The following MMP14 variants were observed in gnomAD, a reference collection of about 807,000 sequenced individuals.
MMP14 encodes matrix metalloproteinase-14.
A neutral mutation model predicts 64.8 loss-of-function variants in MMP14; 13 were observed. The ratio of observed to expected loss-of-function variants is 0.20; its 90% confidence interval spans 0.13 to 0.32. The LOEUF (loss-of-function observed/expected upper bound fraction) is 0.32, where lower values mean the gene tolerates loss of function less well. Ranked by LOEUF, MMP14 falls within the 10% of genes least tolerant of loss-of-function variation. The pLI, the probability that MMP14 is intolerant of heterozygous loss-of-function variation, is 1.00. For synonymous variants in MMP14, 322 were observed against 315.9 expected (o/e 1.02, Z -0.20); for missense variants, 594 against 783.8 (o/e 0.76, Z 2.89).
At chr14:22,844,336 C>T (rs2138743491) in intron 6 of MMP14, 35 bp from the exon 7 acceptor site, 2 of 1,612,720 alleles carry the variant, frequency 1.2e-6, no homozygotes, top group Middle Eastern at 1.7e-4. Flanking sequence ...GGCCGCAAGA[C>T]ATAATGGACT....
intron 1 of MMP14, chr14:22,837,584 C>G: frequency 2.8e-6 from 1 of 352,064 alleles, no homozygotes. Context: ...CAAAGCTCTC[C>G]TTGTGAGCCG....
chr14:22,846,083 T>A lies in MMP14; in HGVS notation c.*44T>A. On this transcript the variant is annotated 3_prime_UTR_variant, in exon 10 of 10. Transcript: ENST00000311852. Reference sequence around the variant, plus strand: ...CCACTCCTACCACAAGGACTTTGCCTCTGAAGGCCAGTGGCAGCAGGTGGT... The same window carrying A: ...CCACTCCTACCACAAGGACTTTGCCACTGAAGGCCAGTGGCAGCAGGTGGT... The A allele has an allele frequency of 7.0e-7, 1 of 1,436,118 alleles. No individual in the cohort carries two copies. The highest frequency in any genetic ancestry group is 9.2e-7 in the Non-Finnish European group (1 of 1,092,500). The allele number at this position is 1,436,118 out of a possible 1,614,324, so 89.0% of individuals were successfully genotyped here.
At position 22,844,325 on chromosome 14, in the gene MMP14, A is replaced by G. The variant is rs570675817; in HGVS notation, c.1012-46A>G. ...GCTTTGGGGACTGAACCAGAGACCT[A>G]GGCCGCAAGACATAATGGACTTTTC... On this transcript the variant is annotated intron_variant, in intron 6 of 9. Coordinates refer to ENST00000311852, the MANE Select transcript of MMP14 (RefSeq NM_004995.4). 2.5e-6 allele frequency: 4 copies of G among 1,608,580 alleles called. No individual in the cohort carries two copies. In the East Asian group the frequency reaches 6.7e-5, roughly 27 times the overall value.
Position 22,842,748 on chromosome 14 carries a change from G to GAAAA in MMP14, c.688+33_688+36dup. On this transcript the variant is annotated intron_variant, in intron 4 of 9. Coordinates refer to ENST00000311852, the MANE Select transcript of MMP14 (RefSeq NM_004995.4). The surrounding 1 kb of genome is among the most constrained non-coding windows in gnomAD (Gnocchi z 5.3). Reference sequence around the variant, plus strand: ...CCAAGTATCCCTGGGACTTACTCTGGAAAAAGCCAACAGTCATTTGTAGGG... The same window carrying GAAAA: ...CCAAGTATCCCTGGGACTTACTCTGGAAAAAAAAAGCCAACAGTCATTTGTAGGG... 6.4e-7 allele frequency: 1 copy of GAAAA among 1,557,756 alleles called. No individual in the cohort carries two copies. Among genetic ancestry groups the GAAAA allele is most frequent in the African/African-American group, 1.4e-5 (1 of 73,508 alleles).
chr14:22,845,065 G>A (rs2039802240), intron 8 of MMP14, among the ~76,000 whole-genome samples, 186 bp from the exon 9 acceptor site: 1 of 152,132 alleles, frequency 6.6e-6, no homozygotes, highest in Non-Finnish European at 1.5e-5. Context: ...GTGGCTCCTT[G>A]CAGCCTGGGC....
In MMP14 at chr14:22,845,989, A is replaced by T. The variant is rs1247653326; in HGVS notation, c.1699A>T (p.Thr567Ser). The T allele has an allele frequency of 6.5e-7, 1 of 1,546,056 alleles. No homozygotes were observed. Among genetic ancestry groups the T allele is most frequent in the Non-Finnish European group, 8.7e-7 (1 of 1,143,678 alleles). Residue 567 changes from threonine (T) to serine (S), a missense_variant, in exon 10 of 10, where the codon ACC (threonine) becomes TCC (serine). Coordinates refer to ENST00000311852, the MANE Select transcript of MMP14 (RefSeq NM_004995.4). ...AGTCTTCTTCTTCAGACGCCATGGG[A>T]CCCCCAGGCGACTGCTCTACTGCCA... ...LAVFFFRRHG[T>S]PRRLLYCQRS...
At position 22,836,597 on chromosome 14, in the gene MMP14, G is replaced by A. The variant is rs1165529418; in HGVS notation, c.-221G>A. 6.5e-6 allele frequency: 3 copies of A among 459,408 alleles called. No homozygotes were observed. The highest frequency in any genetic ancestry group is 7.8e-5 in the Admixed American group (2 of 25,532). The allele number at this position is 459,408 out of a possible 1,614,324, so 28.5% of individuals were successfully genotyped here. ...GAGAGAGGGAACCAGACCCCAGTTC[G>A]CCGACTAAGCAGAAGAAAGATCAAA... On this transcript the variant is annotated 5_prime_UTR_variant, in exon 1 of 10. Coordinates refer to ENST00000311852, the MANE Select transcript of MMP14 (RefSeq NM_004995.4).
chr14:22,841,810 C>T, intron 2 of MMP14, 103 bp from the exon 3 acceptor site: 1 of 1,554,270 alleles, frequency 6.4e-7, no homozygotes, highest in Non-Finnish European at 8.7e-7. Context: ...CTTGGCCTTT[C>T]CCCACATTGA....
rs144839050 is a variant in MMP14, at chr14:22,845,360, G to A, written c.1411G>A (p.Asp471Asn). 14 of 1,604,114 alleles carry A rather than the reference G, an allele frequency of 8.7e-6. No homozygotes were observed. Among genetic ancestry groups the A allele is most frequent in the Admixed American group, 6.8e-5 (4 of 59,154 alleles). The stretch of plus-strand genomic sequence containing the variant: ...TCCCAGAGGGTCATTCATGGGCAGC[G>A]ATGAAGGTGAGAGGGGCAAGGGAAG... ...ESPRGSFMGS[D>N]EVFTYFYKGN... The change falls in exon 9 of 10, where the codon GAT (aspartate) becomes AAT (asparagine). Residue 471 changes from aspartate to asparagine, a missense_variant. This residue lies in a region of MMP14 where 364 missense variants were observed against 425.2 expected (regional missense o/e 0.86). Coordinates refer to ENST00000311852, the MANE Select transcript of MMP14 (RefSeq NM_004995.4).
Position 22,843,837 on chromosome 14 carries a change from G to A in MMP14, c.978G>A (p.Val326=). Residue 326 remains valine, a synonymous_variant, in exon 6 of 10, where the codon GTG becomes GTA. Coordinates refer to ENST00000311852, the MANE Select transcript of MMP14 (RefSeq NM_004995.4). This position sits in a 1 kb window ranked among gnomAD's most constrained non-coding sequence, Gnocchi z 4.8. ...PNICDGNFDT[V]AMLRGEMFVF... The stretch of plus-strand genomic sequence containing the variant: ...TCTGTGACGGGAACTTTGACACCGT[G>A]GCCATGCTCCGAGGGGAGATGTTTG... 1 of 1,612,732 alleles carries A rather than the reference G, an allele frequency of 6.2e-7. No homozygotes were observed. Among genetic ancestry groups the A allele is most frequent in the Non-Finnish European group, 8.5e-7 (1 of 1,179,710 alleles).
intron 9 of MMP14, 103 bp downstream of exon 9, chr14:22,845,469 C>A: frequency 4.4e-6 from 4 of 899,812 alleles, no homozygotes; most frequent in Non-Finnish European, 3.4e-6. Flanking sequence ...AAAACAACGG[C>A]GATGATAATA....
At position 22,842,534 on chromosome 14, in the gene MMP14, G is replaced by A. The variant is rs1276557075; in HGVS notation, c.505G>A (p.Glu169Lys). 1.1e-5 allele frequency: 18 copies of A among 1,614,020 alleles called. No homozygotes were observed. Among genetic ancestry groups the A allele is most frequent in the Non-Finnish European group, 1.5e-5 (18 of 1,180,012 alleles). The stretch of plus-strand genomic sequence containing the variant: ...CGAGGTGCCCTATGCCTACATCCGT[G>A]AGGGCCATGAGAAGCAGGCCGACAT... ...FREVPYAYIR[E>K]GHEKQADIMI... Residue 169 changes from glutamate (E) to lysine (K), a missense_variant, in exon 4 of 10, where the codon GAG (glutamate) becomes AAG (lysine). Physicochemically the swap from Glu to Lys is moderately conservative, Grantham distance 56. Coordinates refer to ENST00000311852, the MANE Select transcript of MMP14 (RefSeq NM_004995.4). This position sits in a 1 kb window ranked among gnomAD's most constrained non-coding sequence, Gnocchi z 5.3.
chr14:22,844,306 G>C, intron 6 of MMP14, 65 bp from the exon 7 acceptor site: 1 of 1,595,304 alleles, frequency 6.3e-7, no homozygotes, highest in Non-Finnish European at 8.6e-7. Flanking sequence ...GGGAGCTTTG[G>C]GGACTGAACC....
Position 22,843,704 on chromosome 14 carries a change from C to T in MMP14, c.851-6C>T, listed in dbSNP as rs377019283. Reference sequence around the variant, plus strand: ...TCTGAAATGCCCCTCGTGTTTTCTGCCCCAGGGGGTGAGTCAGGGTTCCCC... The same window carrying T: ...TCTGAAATGCCCCTCGTGTTTTCTGTCCCAGGGGGTGAGTCAGGGTTCCCC... On this transcript the variant is annotated splice_region_variant and splice_polypyrimidine_tract_variant and intron_variant, in intron 5 of 9. Coordinates refer to ENST00000311852, the MANE Select transcript of MMP14 (RefSeq NM_004995.4). This position sits in a 1 kb window ranked among gnomAD's most constrained non-coding sequence, Gnocchi z 4.8. The T allele has an allele frequency of 6.9e-6, 11 of 1,587,914 alleles. No homozygotes were observed. The African/African-American group carries it at 1.4e-4, about 20-fold the overall frequency.
At chr14:22,839,411 G>C (rs1229729935) in intron 1 of MMP14, among the ~76,000 whole-genome samples, 1 of 152,236 alleles carries the variant, frequency 6.6e-6, no homozygotes, top group Non-Finnish European at 1.5e-5. Context: ...GAGCAGCCCC[G>C]GACTGGTGTG....
At chr14:22,845,111 A>T (rs752615302) in intron 8 of MMP14, 140 bp from the exon 9 acceptor site, 3 of 655,948 alleles carry the variant, frequency 4.6e-6, no homozygotes, top group Non-Finnish European at 2.6e-6. Flanking sequence ...CGCTTTCAGC[A>T]GCAGGTCCTC....
rs1172082260 is a variant in MMP14, at chr14:22,841,995, A to T, written c.340A>T (p.Ile114Phe). ...KANVRRKRYA[I>F]QGLKWQHNEI... The stretch of plus-strand genomic sequence containing the variant: ...CAATGTTCGAAGGAAGCGCTACGCC[A>T]TCCAGGGTCTCAAATGGCAACATAA... The change falls in exon 3 of 10, where the codon ATC (isoleucine) becomes TTC (phenylalanine). Residue 114 changes from isoleucine to phenylalanine, a missense_variant. By Grantham distance (21) the Ile-to-Phe change is conservative. Transcript: ENST00000311852. 2 of 1,614,136 alleles carry T rather than the reference A, an allele frequency of 1.2e-6. No homozygotes were observed. Among genetic ancestry groups the T allele is most frequent in the Non-Finnish European group, 1.7e-6 (2 of 1,180,062 alleles).
At chr14:22,836,991 G>C in intron 1 of MMP14, 66 bp downstream of exon 1, 1 of 1,260,976 alleles carries the variant, frequency 7.9e-7, no homozygotes, top group Non-Finnish European at 1.1e-6. Flanking sequence ...GGGTCTCCTA[G>C]GGGACAGCCT....
chr14:22,845,924 C>T lies in MMP14; in HGVS notation c.1634C>T (p.Pro545Leu), dbSNP rs772133357. The change falls in exon 10 of 10, where the codon CCC (proline) becomes CTC (leucine). Residue 545 changes from proline to leucine, a missense_variant. Pro to Leu is a moderately conservative substitution (Grantham distance 98). This residue lies in a region of MMP14 where 364 missense variants were observed against 425.2 expected (regional missense o/e 0.86). Transcript: ENST00000311852. ...GTGAGCGCGGCTGCCGTGGTGCTGCCCGTGCTGCTGCTGCTCCTGGTGCTG... is the reference window on the plus strand; with the variant it reads ...GTGAGCGCGGCTGCCGTGGTGCTGCTCGTGCTGCTGCTGCTCCTGGTGCTG... ...GAVSAAAVVL[P>L]VLLLLLVLAV... is the part of the protein sequence containing the mutation. 1.4e-5 allele frequency: 22 copies of T among 1,605,522 alleles called. No homozygotes were observed. The highest frequency in any genetic ancestry group is 1.9e-5 in the Non-Finnish European group (22 of 1,175,754).
Sources: allele counts gnomAD v4.1 joint callset (sites outside exome capture counted in the v4.1 genomes callset), GRCh38; gene constraint gnomAD v4.1.1; regional missense constraint gnomAD v4.1.1; non-coding constraint Gnocchi (gnomAD v3.1); transcripts MANE v1.5; gene names NCBI Gene and HGNC (gene_info 2026-07-23, HGNC 2026-07-21).